IQANK1: variants seen among roughly 807,000 people sequenced by gnomAD.
IQANK1 encodes the protein IQ motif and ankyrin repeat domain-containing protein 1.
In IQANK1, 30 loss-of-function variants were observed where a neutral mutation model predicts 22.6. The observed-to-expected ratio is 1.33, with a 90% CI of 0.99 to 1.80. The LOEUF (loss-of-function observed/expected upper bound fraction) is 1.80, where lower values mean the gene tolerates loss of function less well. Ranked by LOEUF, IQANK1 falls within the 40% of genes most tolerant of loss-of-function variation. The pLI is 0.00. For synonymous variants in IQANK1, 122 were observed against 99.6 expected (o/e 1.23, Z -1.34); for missense variants, 275 against 235.2 (o/e 1.17, Z -1.11).
At chr8:143,777,478 G>A (rs1411632746) in intron 7 of IQANK1, among the ~76,000 whole-genome samples, 4 of 143,430 alleles carry the variant, frequency 2.8e-5, no homozygotes, top group Non-Finnish European at 4.5e-5. Flanking sequence ...CTGAGATCAT[G>A]CCACTGCACT....
At chr8:143,736,297 G>C (rs1818737496) in intron 2 of IQANK1, among the ~76,000 whole-genome samples, 2 of 152,044 alleles carry the variant, frequency 1.3e-5, no homozygotes, top group Non-Finnish European at 2.9e-5. Context: ...GCGCCACCAC[G>C]CCCTGCTGAT....
chr8:143,790,405 C>T lies in IQANK1; in HGVS notation c.1480C>T (p.Gln494Ter). The T allele has an allele frequency of 1.2e-6, 1 of 820,072 alleles. No individual in the cohort carries two copies. Among genetic ancestry groups the T allele is most frequent in the Non-Finnish European group, 1.6e-6 (1 of 612,580 alleles). The allele number at this position is 820,072 out of a possible 1,614,324, so 50.8% of individuals were successfully genotyped here. Residue 494 changes from glutamine (Q) to a stop codon, truncating the protein, a stop_gained, in exon 14 of 14, where the codon CAG becomes TAG. Coordinates refer to ENST00000527139, the MANE Select transcript of IQANK1 (RefSeq NM_001381874.1). LOFTEE classifies it low-confidence loss of function (END_TRUNC). ...AGAGGAAGACCTGTTCCCAGTCGTG[C>T]AGCGGCAGCTGGAGGCGGTGCAGGA... ...LREEDLFPVV[Q>*]RQLEAVQERY...
intron 2 of IQANK1, among the ~76,000 whole-genome samples, chr8:143,736,806 C>T (rs898538458): frequency 1.3e-5 from 2 of 152,134 alleles, no homozygotes; most frequent in South Asian, 2.1e-4. Context: ...ACCCCAGCCC[C>T]GCCTTCACTG....
At chr8:143,787,642 T>C (rs576827994) in intron 7 of IQANK1, among the ~76,000 whole-genome samples, 180 of 152,214 alleles carry the variant, frequency 1.2e-3, no homozygotes, top group Non-Finnish European at 8.8e-5. Flanking sequence ...CTGGAAGAGC[T>C]ACAGGGAACT....
rs374524148 is a variant in IQANK1 at position 143,741,408 on chromosome 8, C to T, written c.175+1460C>T. Among the ~76,000 whole-genome samples the T allele has an allele frequency of 8.9e-4, 136 of 152,308 alleles. 2 individuals are homozygous for T. Among genetic ancestry groups the T allele is most frequent in the African/African-American group, 3.1e-3 (130 of 41,578 alleles). ...AGGAGCCTGTACCTGGAGAAGGTGA[C>T]ACCAAGACACAGGGAGCCCCATGAC... On this transcript the variant is annotated intron_variant, in intron 3 of 13. Coordinates refer to ENST00000527139, the MANE Select transcript of IQANK1 (RefSeq NM_001381874.1).
intron 7 of IQANK1, among the ~76,000 whole-genome samples, chr8:143,773,124 T>C (rs577592975): frequency 3.3e-5 from 5 of 152,226 alleles, no homozygotes; most frequent in African/African-American, 9.6e-5. Flanking sequence ...CTGGCCAACA[T>C]GGTGAAACAC....
chr8:143,772,392 C>A lies in IQANK1; in HGVS notation c.699C>A (p.Ala233=), dbSNP rs1180911312. ...GTCCGACGCCGCTGTACCGTGCAGC[C>A]TTTGGGGGCCACCTGGCAGCTGTGG... is the stretch of plus-strand genomic sequence containing the variant. ...AFGPTPLYRA[A]FGGHLAAVEV... The change falls in exon 7 of 14, where the codon GCC becomes GCA. Residue 233 remains alanine, a synonymous_variant. Transcript: ENST00000527139. 5.0e-6 allele frequency: 2 copies of A among 399,304 alleles called. No individual in the cohort carries two copies. Among genetic ancestry groups the A allele is most frequent in the Non-Finnish European group, 8.8e-6 (2 of 226,408 alleles). The allele number at this position is 399,304 out of a possible 1,614,324, so 24.7% of individuals were successfully genotyped here. A position where few individuals can be genotyped will look rare whatever the true frequency, so the allele number is the denominator to read the frequency against.
At chr8:143,736,288 C>A (rs1310428490) in intron 2 of IQANK1, among the ~76,000 whole-genome samples, 1 of 152,050 alleles carries the variant, frequency 6.6e-6, no homozygotes, top group Non-Finnish European at 1.5e-5. Flanking sequence ...TATGGACGTG[C>A]GCCACCACGC....
chr8:143,771,090 G>C lies in IQANK1; in HGVS notation c.176-398G>C, dbSNP rs539545825. On this transcript the variant is annotated intron_variant, in intron 3 of 13. Transcript: ENST00000527139. This position sits in a 1 kb window ranked among gnomAD's most constrained non-coding sequence, Gnocchi z 6.0. ...TGTGATGAGCCCTCCCAGGCCTGGG[G>C]CCCCCCCGCTCAGTCCAGCCTTCGC... Among the ~76,000 whole-genome samples, 323 of 152,232 alleles carry C rather than the reference G, an allele frequency of 2.1e-3. 1 individual carries two copies. Among genetic ancestry groups the C allele is most frequent in the African/African-American group, 7.6e-3 (314 of 41,558 alleles).
At chr8:143,768,989 AG>A (rs1295523846) in intron 3 of IQANK1, among the ~76,000 whole-genome samples, 1 of 152,182 alleles carries the variant, frequency 6.6e-6, no homozygotes, top group Non-Finnish European at 1.5e-5. Flanking sequence ...CAGATGAAAC[AG>A]GGCTCCCAAA....
intron 2 of IQANK1, among the ~76,000 whole-genome samples, chr8:143,738,051 G>A (rs886200102): frequency 3.9e-5 from 6 of 152,166 alleles, no homozygotes. Context: ...ACCCTGGGGT[G>A]TCCCTGAGGT....
chr8:143,774,292 A>C lies in IQANK1; in HGVS notation c.789+1810A>C, dbSNP rs1174070780. ...CCACAGGCAGGAGCAAACGTTTGTG[A>C]ACCACGCATCTGGCAAGGCACGTGT... On this transcript the variant is annotated intron_variant, in intron 7 of 13. Coordinates refer to ENST00000527139, the MANE Select transcript of IQANK1 (RefSeq NM_001381874.1). This position sits in a 1 kb window ranked among gnomAD's most constrained non-coding sequence, Gnocchi z 4.2. Among the ~76,000 whole-genome samples the C allele has an allele frequency of 1.3e-5, 2 of 152,218 alleles. No homozygotes were observed. Among genetic ancestry groups the C allele is most frequent in the Non-Finnish European group, 2.9e-5 (2 of 68,048 alleles).
chr8:143,756,192 TTAAC>T (rs1372266648), intron 3 of IQANK1, among the ~76,000 whole-genome samples: 1 of 152,178 alleles, frequency 6.6e-6, no homozygotes, highest in Non-Finnish European at 1.5e-5. Flanking sequence ...AGCCAAAGCA[TTAAC>T]TACCACCAGG....
chr8:143,771,488 G>A lies in IQANK1; in HGVS notation c.176G>A (p.Gly59Glu). The A allele has an allele frequency of 2.5e-6, 1 of 397,876 alleles. No individual in the cohort carries two copies. The highest frequency in any genetic ancestry group is 4.4e-6 in the Non-Finnish European group (1 of 225,598). 24.6% of individuals were successfully genotyped at this position (397,876 alleles called of 1,614,324 possible). The change falls in exon 4 of 14, where the codon GGG becomes GAG. Residue 59 changes from glycine (G) to glutamate (E), a missense_variant and splice_region_variant. Gly to Glu is a moderately conservative substitution (Grantham distance 98). Transcript: ENST00000527139. The surrounding 1 kb of genome is among the most constrained non-coding windows in gnomAD (Gnocchi z 6.0). The part of the protein sequence containing the change: ...ASAESPQAPT[G>E]PAEDRAARAI... ...CCCCGTGAGCCTCTCCCCACCCCAGGGCCGGCCGAGGACCGAGCGGCCAGA... is the reference window on the plus strand; with the variant it reads ...CCCCGTGAGCCTCTCCCCACCCCAGAGCCGGCCGAGGACCGAGCGGCCAGA...
chr8:143,771,095 C>G lies in IQANK1; in HGVS notation c.176-393C>G, dbSNP rs1819561542. 6.6e-6 allele frequency among the ~76,000 whole-genome samples: 1 copy of G among 152,368 alleles called. No individual in the cohort carries two copies. Among genetic ancestry groups the G allele is most frequent in the Admixed American group, 6.5e-5 (1 of 15,312 alleles). ...TGAGCCCTCCCAGGCCTGGGGCCCC[C>G]CCGCTCAGTCCAGCCTTCGCTCGCT... On this transcript the variant is annotated intron_variant, in intron 3 of 13. Coordinates refer to ENST00000527139, the MANE Select transcript of IQANK1 (RefSeq NM_001381874.1). The surrounding 1 kb of genome is among the most constrained non-coding windows in gnomAD (Gnocchi z 6.0).
chr8:143,747,910 G>GTCCTGTCCTTTCCTT (rs1489809915), intron 3 of IQANK1, among the ~76,000 whole-genome samples: 80 of 106,300 alleles, frequency 7.5e-4, no homozygotes, highest in Middle Eastern at 4.5e-3. Context: ...ATTGTGTTAA[G>GTCCTGTCCTTTCCTT]TCCTTTCCTT....
rs1409453735 is a variant in IQANK1 at position 143,778,733 on chromosome 8, T to G, written c.789+6251T>G. Among the ~76,000 whole-genome samples, 3 of 152,248 alleles carry G rather than the reference T, an allele frequency of 2.0e-5. No individual in the cohort carries two copies. The East Asian group carries it at 5.8e-4, about 29-fold the overall frequency. ...TCTCGCCCCAGTATTGGTTTGCGCT[T>G]TCGCCAATTCATAATTATCTTATTA... On this transcript the variant is annotated intron_variant, in intron 7 of 13. Transcript: ENST00000527139.
intron 6 of IQANK1, 33 bp from the exon 7 acceptor site, chr8:143,772,324 G>A (rs1428746114): frequency 5.0e-6 from 2 of 398,748 alleles, no homozygotes; most frequent in African/African-American, 4.1e-5. Flanking sequence ...CAGGGGCAAG[G>A]CCTGGATCTT....
At chr8:143,742,361 G>A (rs782041013) in intron 3 of IQANK1, 36 of 455,682 alleles carry the variant, frequency 7.9e-5, no homozygotes, top group African/African-American at 4.6e-4. Context: ...TACAGCATGC[G>A]GGGGAGGTCA....
Sources: allele counts gnomAD v4.1 joint callset (sites outside exome capture counted in the v4.1 genomes callset), GRCh38; gene constraint gnomAD v4.1.1; non-coding constraint Gnocchi (gnomAD v3.1); transcripts MANE v1.5; gene names NCBI Gene and HGNC (gene_info 2026-07-23, HGNC 2026-07-21).